Variants in ACAP2 observed in about 807,000 individuals in gnomAD.
The protein encoded by ACAP2 is ArfGAP with coiled-coil, ankyrin repeat and PH domains 2.
A neutral mutation model predicts 115.8 loss-of-function variants in ACAP2; 39 were observed. That is an observed-to-expected ratio of 0.34 (90% CI 0.26 to 0.44). ACAP2 has a LOEUF of 0.44. Ranked by LOEUF, ACAP2 falls within the 20% of genes least tolerant of loss-of-function variation. The pLI is 1.00. For synonymous variants in ACAP2, 289 were observed against 315.8 expected (o/e 0.92, Z 0.90); for missense variants, 662 against 927.6 (o/e 0.71, Z 3.72).
intron 4 of ACAP2, among the ~76,000 whole-genome samples, chr3:195,351,623 C>T (rs1051875262): frequency 9.2e-5 from 14 of 151,904 alleles, no homozygotes; most frequent in Admixed American, 2.6e-4. Context: ...CACCACCACG[C>T]CCAGCTAATT....
chr3:195,437,929 C>G (rs1370139188), intron 1 of ACAP2, among the ~76,000 whole-genome samples: 1 of 115,074 alleles, frequency 8.7e-6, no homozygotes. Context: ...GACAAGGTCT[C>G]TATGTTGCCC....
At chr3:195,319,177 C>T (rs1364842726) in intron 10 of ACAP2, among the ~76,000 whole-genome samples, 2 of 152,244 alleles carry the variant, frequency 1.3e-5, no homozygotes, top group African/African-American at 2.4e-5. Context: ...GTTTGGGAAA[C>T]TCCACCTAGA....
Position 195,442,826 on chromosome 3 carries a change from C to A in ACAP2, c.22G>T (p.Glu8Ter). ...CGGGGCGAGTCCTTCAGACACTCCT[C>A]GAAATCCACAGTCATCTTCATCCTG... MKMTVDFEECLKDSPRFR... is the reference protein window; with the variant it reads MKMTVDF Residue 8 changes from glutamate to a stop codon, truncating the protein, a stop_gained, in exon 1 of 23, where the codon GAG becomes TAG. Transcript: ENST00000326793. LOFTEE classifies it high-confidence loss of function. 1 of 1,529,728 alleles carries A rather than the reference C, an allele frequency of 6.5e-7. No individual in the cohort carries two copies. The highest frequency in any genetic ancestry group is 2.0e-5 in the Admixed American group (1 of 49,132). The allele number at this position is 1,529,728 out of a possible 1,614,324, so 94.8% of individuals were successfully genotyped here.
At chr3:195,320,670 T>C (rs761621602) in intron 10 of ACAP2, 31 bp downstream of exon 10, 14 of 1,475,248 alleles carry the variant, frequency 9.5e-6, no homozygotes, top group African/African-American at 1.4e-5. Flanking sequence ...AAACTATGTA[T>C]AGATCAAGAC....
At chr3:195,303,958 G>A (rs957593819) in intron 13 of ACAP2, among the ~76,000 whole-genome samples, 5 of 151,896 alleles carry the variant, frequency 3.3e-5, no homozygotes, top group South Asian at 2.1e-4. Context: ...TCAGGAGTTC[G>A]AGAGCAGCCT....
intron 18 of ACAP2, 92 bp from the exon 19 acceptor site, chr3:195,292,544 T>C (rs1727330903): frequency 4.8e-6 from 6 of 1,250,692 alleles, no homozygotes; most frequent in African/African-American, 4.6e-5. Context: ...TTTTGCAAGA[T>C]AAAAAGAGTT....
intron 13 of ACAP2, among the ~76,000 whole-genome samples, chr3:195,305,874 C>G (rs941392427): frequency 1.3e-5 from 2 of 151,936 alleles, no homozygotes; most frequent in African/African-American, 4.8e-5. Context: ...TATTTGGGAG[C>G]TGGAAGTTGG....
At chr3:195,315,237 T>G (rs1291494220) in intron 10 of ACAP2, among the ~76,000 whole-genome samples, 1 of 152,224 alleles carries the variant, frequency 6.6e-6, no homozygotes, top group East Asian at 1.9e-4. Context: ...CCCAAGCTGG[T>G]CTCCAATTCC....
At chr3:195,328,131 T>C (rs147867989) in intron 8 of ACAP2, among the ~76,000 whole-genome samples, 1 of 152,226 alleles carries the variant, frequency 6.6e-6, no homozygotes, top group East Asian at 1.9e-4. Context: ...GTGGGTTTCA[T>C]TGTCTAGACT....
At chr3:195,288,927 A>G (rs995036898) in intron 21 of ACAP2, among the ~76,000 whole-genome samples, 194 bp downstream of exon 21, 8 of 152,234 alleles carry the variant, frequency 5.3e-5, no homozygotes, top group African/African-American at 9.6e-5. Flanking sequence ...ATTAAGTATA[A>G]TAAGTAGAGA....
At chr3:195,333,367 A>G (rs1424619875) in intron 7 of ACAP2, among the ~76,000 whole-genome samples, 3 of 152,002 alleles carry the variant, frequency 2.0e-5, no homozygotes, top group Non-Finnish European at 2.9e-5. Flanking sequence ...ATGCTCAGCT[A>G]ATTTTTTTAT....
chr3:195,378,616 T>C (rs1733737847), intron 4 of ACAP2, among the ~76,000 whole-genome samples: 1 of 152,066 alleles, frequency 6.6e-6, no homozygotes, highest in Non-Finnish European at 1.5e-5. Context: ...ATCCCAACAC[T>C]ATGGAAGGCC....
intron 8 of ACAP2, among the ~76,000 whole-genome samples, chr3:195,328,420 CA>C (rs977154017): frequency 8.0e-5 from 12 of 149,888 alleles, no homozygotes; most frequent in African/African-American, 1.2e-4. Flanking sequence ...AAAGATTAAC[CA>C]AAAAAAAATC....
intron 1 of ACAP2, among the ~76,000 whole-genome samples, chr3:195,407,634 T>C (rs996094300): frequency 6.6e-5 from 10 of 151,932 alleles, no homozygotes; most frequent in Non-Finnish European, 1.3e-4. Flanking sequence ...AAGGTAGACA[T>C]TGCAGTGAGA....
At chr3:195,302,828 T>A (rs1052001780) in intron 13 of ACAP2, among the ~76,000 whole-genome samples, 46 of 152,316 alleles carry the variant, frequency 3.0e-4, no homozygotes, top group African/African-American at 1.1e-3. Flanking sequence ...GTCACCCCTG[T>A]AATCCCAGCA....
intron 1 of ACAP2, among the ~76,000 whole-genome samples, chr3:195,421,056 G>A (rs147925190): frequency 6.6e-6 from 1 of 152,272 alleles, no homozygotes; most frequent in East Asian, 1.9e-4. Context: ...GTTAAACAGA[G>A]GAAAGGACTA....
intron 16 of ACAP2, among the ~76,000 whole-genome samples, chr3:195,296,816 A>G (rs1727684307): frequency 1.3e-5 from 2 of 152,196 alleles, no homozygotes; most frequent in Non-Finnish European, 2.9e-5. Context: ...ATTAAGTATG[A>G]AAAATGTAAA....
intron 6 of ACAP2, among the ~76,000 whole-genome samples, chr3:195,339,389 T>C (rs1247260698): frequency 6.6e-6 from 1 of 151,876 alleles, no homozygotes; most frequent in Non-Finnish European, 1.5e-5. Context: ...AAAATGCCTG[T>C]TTGATATGTC....
chr3:195,393,888 G>T (rs868017368), intron 1 of ACAP2, among the ~76,000 whole-genome samples: 3 of 146,892 alleles, frequency 2.0e-5, no homozygotes, highest in Non-Finnish European at 4.5e-5. Context: ...TTATATTGGG[G>T]GGGGGGGAAG....
Sources: gnomAD v4.1 joint callset for allele counts (sites outside exome capture counted in the v4.1 genomes callset) on GRCh38, gnomAD v4.1.1 for gene constraint, MANE v1.5 for transcripts, NCBI Gene and HGNC (gene_info 2026-07-23, HGNC 2026-07-21) for gene names.